Variants in CLVS1 observed in about 807,000 individuals in gnomAD.
CLVS1 encodes clavesin-1.
Under a neutral mutation model 33.1 loss-of-function variants are expected in CLVS1, and 10 were observed. The ratio of observed to expected loss-of-function variants is 0.30; its 90% CI spans 0.19 to 0.51. The LOEUF (loss-of-function observed/expected upper bound fraction) is 0.51. Ranked by LOEUF, CLVS1 falls within the 20% of genes least tolerant of loss-of-function variation. The pLI, the probability that CLVS1 is intolerant of heterozygous loss-of-function variation, is 0.97. For missense variants in CLVS1, 343 were observed against 433.4 expected (o/e 0.79, Z 1.85); for synonymous variants, 163 against 166.1 (o/e 0.98, Z 0.14).
intron 2 of CLVS1, among the ~76,000 whole-genome samples, chr8:61,143,010 T>G (rs1253577835): frequency 6.6e-6 from 1 of 152,178 alleles, no homozygotes; most frequent in Non-Finnish European, 1.5e-5. Flanking sequence ...ACTAGATGAG[T>G]TAAATTGTTT....
the CLVS1 span, among the ~76,000 whole-genome samples, chr8:60,990,022 G>A: frequency 6.6e-6 from 1 of 151,206 alleles, no homozygotes; most frequent in Admixed American, 6.6e-5. Context: ...CTACTATGGA[G>A]GCTGAGGCAG....
At chr8:61,304,751 A>C (rs59775198) in intron 2 of CLVS1, among the ~76,000 whole-genome samples, 7,394 of 152,202 alleles carry the variant, frequency 0.049, 602 homozygotes, top group African/African-American at 0.17. Context: ...CCAGTGCTGG[A>C]GAAGAAAAAC....
chr8:61,058,130 G>A (rs1309983329), intron 1 of CLVS1, among the ~76,000 whole-genome samples: 4 of 152,214 alleles, frequency 2.6e-5, no homozygotes, highest in Admixed American at 2.6e-4. Flanking sequence ...TGTTCAGCAG[G>A]CTGAACTGTA....
At chr8:61,265,020 G>T (rs1169769526) in intron 2 of CLVS1, among the ~76,000 whole-genome samples, 1 of 152,164 alleles carries the variant, frequency 6.6e-6, no homozygotes, top group Admixed American at 6.5e-5. Flanking sequence ...TTCCCTTGAA[G>T]GAACTCAAGA....
chr8:61,279,145 A>G (rs1809619363), intron 2 of CLVS1, among the ~76,000 whole-genome samples: 1 of 152,128 alleles, frequency 6.6e-6, no homozygotes, highest in South Asian at 2.1e-4. Context: ...AAAAGACCTG[A>G]AGTGTATATC....
chr8:61,118,517 A>C (rs890569197), intron 1 of CLVS1, among the ~76,000 whole-genome samples: 8 of 150,160 alleles, frequency 5.3e-5, no homozygotes, highest in African/African-American at 2.0e-4. Flanking sequence ...TTAGTGCTAT[A>C]AATTTCCCTC....
At chr8:61,021,935 T>C in the CLVS1 span, among the ~76,000 whole-genome samples, 1 of 152,208 alleles carries the variant, frequency 6.6e-6, no homozygotes, top group South Asian at 2.1e-4. Flanking sequence ...CCCATCTTTA[T>C]GGCCATGTGT....
intron 2 of CLVS1, among the ~76,000 whole-genome samples, chr8:61,176,793 G>A (rs555834619): frequency 6.6e-6 from 1 of 152,280 alleles, no homozygotes; most frequent in South Asian, 2.1e-4. Flanking sequence ...CCCAGCCTGG[G>A]AAACCGTGCC....
At chr8:61,066,235 C>T (rs1438906425) in intron 1 of CLVS1, among the ~76,000 whole-genome samples, 1 of 152,208 alleles carries the variant, frequency 6.6e-6, no homozygotes, top group Non-Finnish European at 1.5e-5. Flanking sequence ...ATGGCTCACA[C>T]CTGTAATCCC....
At chr8:61,197,356 G>A (rs754910858) in intron 2 of CLVS1, among the ~76,000 whole-genome samples, 3 of 152,176 alleles carry the variant, frequency 2.0e-5, no homozygotes, top group African/African-American at 4.8e-5. Context: ...TTGTTTCTGG[G>A]TTCTCTTGGG....
chr8:61,193,459 G>T (rs1807537611), intron 2 of CLVS1, among the ~76,000 whole-genome samples: 1 of 151,864 alleles, frequency 6.6e-6, no homozygotes, highest in Non-Finnish European at 1.5e-5. Flanking sequence ...CATGGCACAT[G>T]TATACATATG....
intron 1 of CLVS1, among the ~76,000 whole-genome samples, chr8:61,114,973 G>A (rs1464121229): frequency 2.0e-5 from 3 of 152,216 alleles, no homozygotes; most frequent in Admixed American, 6.5e-5. Context: ...AATTTTCTGC[G>A]TTGTCATTTT....
At chr8:61,197,701 GCAGAGATGGGATTTGGC>G (rs1359694603) in intron 2 of CLVS1, among the ~76,000 whole-genome samples, 2 of 152,130 alleles carry the variant, frequency 1.3e-5, no homozygotes, top group African/African-American at 4.8e-5. Context: ...TGTATTTTTA[GCAGAGATGGGATTTGGC>G]CATGTTGGCC....
intron 2 of CLVS1, among the ~76,000 whole-genome samples, chr8:61,329,968 C>T (rs1811532876): frequency 6.6e-6 from 1 of 152,160 alleles, no homozygotes; most frequent in African/African-American, 2.4e-5. Context: ...TTCCCTTTAG[C>T]TTTCCCCTAG....
At chr8:61,001,905 T>C in the CLVS1 span, among the ~76,000 whole-genome samples, 1 of 152,222 alleles carries the variant, frequency 6.6e-6, no homozygotes, top group Non-Finnish European at 1.5e-5. Context: ...AAATCTTTCC[T>C]GACTCTCTCA....
rs1232992217 is a variant in CLVS1, at chr8:61,500,904, C to G, written c.*1362C>G. The G allele has an allele frequency of 6.6e-6, 1 of 152,074 alleles. No homozygotes were observed. Among genetic ancestry groups the G allele is most frequent in the East Asian group, 1.9e-4 (1 of 5,196 alleles). 9.4% of individuals were successfully genotyped at this position (152,074 alleles called of 1,614,324 possible). A position where few individuals can be genotyped will look rare whatever the true frequency, so the allele number is the denominator to read the frequency against. On this transcript the variant is annotated 3_prime_UTR_variant, in exon 6 of 6. Transcript: ENST00000325897. ...GAGATTATTCAACTGGTCATAATCA[C>G]CCCTGATAATATTATTACTAATCTT...
At chr8:61,210,555 G>A (rs1253760638) in intron 2 of CLVS1, among the ~76,000 whole-genome samples, 1 of 152,218 alleles carries the variant, frequency 6.6e-6, no homozygotes, top group African/African-American at 2.4e-5. Context: ...AGCTGCTAAT[G>A]TGGTTGACAA....
intron 2 of CLVS1, among the ~76,000 whole-genome samples, chr8:61,227,839 A>G (rs1487406802): frequency 6.6e-6 from 1 of 152,100 alleles, no homozygotes; most frequent in Non-Finnish European, 1.5e-5. Context: ...AGGACTTTCA[A>G]TGCTAAAGCT....
chr8:61,407,353 A>G (rs1276027986), intron 3 of CLVS1, among the ~76,000 whole-genome samples: 1 of 152,280 alleles, frequency 6.6e-6, no homozygotes. Context: ...GTTAAACCTC[A>G]TTAAAAAGCA....
Sources: allele counts gnomAD v4.1 joint callset (sites outside exome capture counted in the v4.1 genomes callset), GRCh38; gene constraint gnomAD v4.1.1; transcripts MANE v1.5; gene names NCBI Gene and HGNC (gene_info 2026-07-23, HGNC 2026-07-21).